The following GALNT10 variants were observed in gnomAD, a reference collection of about 807,000 sequenced individuals.
The protein encoded by GALNT10 is polypeptide N-acetylgalactosaminyltransferase 10, also known as GalNAc transferase 10.
In GALNT10, 41 loss-of-function variants were observed where a neutral mutation model predicts 75.0. The observed-to-expected ratio is 0.55, with a 90% CI of 0.43 to 0.71. The LOEUF (loss-of-function observed/expected upper bound fraction) is 0.71. Ranked by LOEUF, GALNT10 falls within the 30% of genes least tolerant of loss-of-function variation. The pLI, the probability that GALNT10 is intolerant of heterozygous loss-of-function variation, is 0.00. For missense variants in GALNT10, 727 were observed against 818.5 expected, an observed-to-expected ratio of 0.89 and a Z score of 1.36; for synonymous variants, 302 against 313.0, an observed-to-expected ratio of 0.96 and a Z score of 0.37.
At chr5:154,375,859 T>C (rs569512918) in intron 4 of GALNT10, among the ~76,000 whole-genome samples, 1 of 152,356 alleles carries the variant, frequency 6.6e-6, no homozygotes, top group South Asian at 2.1e-4. Context: ...ATGCCCTGAC[T>C]GGTCAGGCCT....
intron 8 of GALNT10, among the ~76,000 whole-genome samples, chr5:154,407,616 G>C (rs542306382): frequency 3.9e-5 from 6 of 152,178 alleles, no homozygotes; most frequent in Admixed American, 1.3e-4. Flanking sequence ...ACTCGAGCAG[G>C]TTAGACAGTG....
At chr5:154,236,034 C>T (rs191674392) in intron 1 of GALNT10, among the ~76,000 whole-genome samples, 1 of 152,306 alleles carries the variant, frequency 6.6e-6, no homozygotes, top group East Asian at 1.9e-4. Flanking sequence ...CTCTTGTGCA[C>T]AATGATGTTT....
chr5:154,329,421 T>A, intron 3 of GALNT10, 151 bp from the exon 4 acceptor site: 1 of 630,268 alleles, frequency 1.6e-6, no homozygotes, highest in East Asian at 2.7e-5. Context: ...ATGTAGAAGT[T>A]CCTGTGTGAC....
chr5:154,200,150 C>G (rs937435498), intron 1 of GALNT10, among the ~76,000 whole-genome samples: 2 of 152,132 alleles, frequency 1.3e-5, no homozygotes, highest in African/African-American at 2.4e-5. Flanking sequence ...ACTGAGACCC[C>G]CATGAGCCTG....
At chr5:154,323,681 G>A (rs1754710659) in intron 3 of GALNT10, among the ~76,000 whole-genome samples, 1 of 152,110 alleles carries the variant, frequency 6.6e-6, no homozygotes, top group Non-Finnish European at 1.5e-5. Context: ...CTATTTTTTG[G>A]TGCTTCTCCA....
At chr5:154,272,943 C>CTATCA (rs5872367) in intron 1 of GALNT10, among the ~76,000 whole-genome samples, 98,659 of 151,276 alleles carry the variant, frequency 0.65, 32,497 homozygotes, top group East Asian at 0.86. Flanking sequence ...GTACTCTAGA[C>CTATCA]GGTAGGAAAT....
chr5:154,285,275 C>T (rs900080765), intron 1 of GALNT10, among the ~76,000 whole-genome samples: 58 of 152,326 alleles, frequency 3.8e-4, no homozygotes, highest in Middle Eastern at 3.4e-3. Context: ...GGAGGCTCAC[C>T]ACCACCCTTG....
intron 4 of GALNT10, among the ~76,000 whole-genome samples, chr5:154,342,240 G>C (rs114166354): frequency 7.2e-5 from 11 of 152,192 alleles, no homozygotes; most frequent in Non-Finnish European, 1.5e-5. Flanking sequence ...CAATGAGGAC[G>C]TACAAGAGGG....
chr5:154,363,264 T>C (rs757004241), intron 4 of GALNT10, among the ~76,000 whole-genome samples: 4 of 152,092 alleles, frequency 2.6e-5, no homozygotes, highest in Non-Finnish European at 5.9e-5. Context: ...CACTCAGATG[T>C]TACATTCTGC....
chr5:154,404,454 G>A lies in GALNT10; in HGVS notation c.1164+243G>A, dbSNP rs1019263662. Reference sequence around the variant, plus strand: ...ACCTGTGTTTCCTCCTTTGTTTAAAGAGAGCTAATTCTTTCCAACTCCCAG... The same window carrying A: ...ACCTGTGTTTCCTCCTTTGTTTAAAAAGAGCTAATTCTTTCCAACTCCCAG... On this transcript the variant is annotated intron_variant, in intron 8 of 11. Coordinates refer to ENST00000297107, the MANE Select transcript of GALNT10 (RefSeq NM_198321.4). Among the ~76,000 whole-genome samples the A allele has an allele frequency of 2.4e-4, 37 of 152,224 alleles. 1 individual carries two copies. The highest frequency in any genetic ancestry group is 2.4e-3 in the Admixed American group (37 of 15,284).
rs898932394 is a variant in GALNT10 at position 154,298,631 on chromosome 5, CTG to C, written c.401+553_401+554del. Among the ~76,000 whole-genome samples, 3 of 152,104 alleles carry C rather than the reference CTG, an allele frequency of 2.0e-5. No individual in the cohort carries two copies. Among genetic ancestry groups the C allele is most frequent in the Non-Finnish European group, 4.4e-5 (3 of 68,024 alleles). ...TGATGCCGATTTTACAGTGAGAAAA[CTG>C]GGGCTTAAAGGAGGGTCATAACTCA... On this transcript the variant is annotated intron_variant, in intron 3 of 11. Transcript: ENST00000297107. This position sits in a 1 kb window ranked among gnomAD's most constrained non-coding sequence, Gnocchi z 4.1.
chr5:154,265,292 A>G (rs1013191838), intron 1 of GALNT10, among the ~76,000 whole-genome samples: 1 of 152,182 alleles, frequency 6.6e-6, no homozygotes, highest in Middle Eastern at 3.2e-3. Flanking sequence ...GTGAAACCCT[A>G]CTTGAGAACA....
Position 154,416,720 on chromosome 5 carries a change from A to G in GALNT10, c.1654-94A>G. On this transcript the variant is annotated intron_variant, in intron 11 of 11. Coordinates refer to ENST00000297107, the MANE Select transcript of GALNT10 (RefSeq NM_198321.4). This position sits in a 1 kb window ranked among gnomAD's most constrained non-coding sequence, Gnocchi z 4.5. ...TGTATGAACAGCTAGTCAGTCAGTC[A>G]CTTCCTCACTTTCTCATTGCTGGTA... The G allele has an allele frequency of 2.2e-6, 2 of 900,848 alleles. No homozygotes were observed. Among genetic ancestry groups the G allele is most frequent in the Non-Finnish European group, 3.6e-6 (2 of 549,212 alleles). The allele number at this position is 900,848 out of a possible 1,614,324, so 55.8% of individuals were successfully genotyped here.
At chr5:154,369,918 C>T (rs1472796464) in intron 4 of GALNT10, among the ~76,000 whole-genome samples, 1 of 152,208 alleles carries the variant, frequency 6.6e-6, no homozygotes, top group Non-Finnish European at 1.5e-5. Flanking sequence ...AGATGCTCTG[C>T]GTCCTGCCAG....
intron 1 of GALNT10, among the ~76,000 whole-genome samples, chr5:154,266,584 A>C (rs1308834936): frequency 1.3e-5 from 2 of 151,362 alleles, no homozygotes; most frequent in African/African-American, 2.4e-5. Context: ...AAAAAAAAAA[A>C]AAACAGCTTC....
chr5:154,365,901 T>TA (rs1181877022), intron 4 of GALNT10, among the ~76,000 whole-genome samples: 1 of 152,210 alleles, frequency 6.6e-6, no homozygotes, highest in Non-Finnish European at 1.5e-5. Context: ...CTAGAGGCAA[T>TA]ACACTATTCT....
intron 1 of GALNT10, among the ~76,000 whole-genome samples, chr5:154,289,581 G>A (rs1325085601): frequency 1.3e-5 from 2 of 152,216 alleles, no homozygotes; most frequent in African/African-American, 4.8e-5. Context: ...TTTAGGGCAA[G>A]TCCATTCTAC....
At chr5:154,305,791 G>A (rs886609800) in intron 3 of GALNT10, among the ~76,000 whole-genome samples, 1 of 152,142 alleles carries the variant, frequency 6.6e-6, no homozygotes, top group African/African-American at 2.4e-5. Context: ...GCCAAGGAGG[G>A]CGGATCACCT....
chr5:154,209,254 C>T (rs1775157473), intron 1 of GALNT10, among the ~76,000 whole-genome samples: 1 of 152,220 alleles, frequency 6.6e-6, no homozygotes, highest in South Asian at 2.1e-4. Flanking sequence ...ACTGAACACA[C>T]CAGAACCAGG....
Sources: allele counts gnomAD v4.1 joint callset (sites outside exome capture counted in the v4.1 genomes callset), GRCh38; gene constraint gnomAD v4.1.1; non-coding constraint Gnocchi (gnomAD v3.1); transcripts MANE v1.5; gene names NCBI Gene and HGNC (gene_info 2026-07-23, HGNC 2026-07-21).